The following DIS3L variants were observed in gnomAD, a reference collection of about 807,000 sequenced individuals.
DIS3L encodes DIS3 like exosome 3'-5' exoribonuclease.
DIS3L carries 100 observed loss-of-function variants against 120.3 expected under a neutral mutation model. That is an observed-to-expected ratio of 0.83 (90% confidence interval 0.71 to 0.98). DIS3L has a LOEUF of 0.98. Ranked by LOEUF, DIS3L falls within the 50% of genes least tolerant of loss-of-function variation. The pLI is 0.00. For missense variants in DIS3L, 1,196 were observed against 1,314.2 expected (o/e 0.91, Z 1.39); for synonymous variants, 426 against 470.6 (o/e 0.91, Z 1.23).
intron 8 of DIS3L, among the ~76,000 whole-genome samples, chr15:66,318,998 G>A (rs1169236216): frequency 6.6e-6 from 1 of 152,108 alleles, no homozygotes; most frequent in African/African-American, 2.4e-5. Flanking sequence ...TCACTGTGTT[G>A]GCCAGGCTGG....
At chr15:66,323,043 TCCCTTC>T in intron 10 of DIS3L, 109 bp downstream of exon 10, 1 of 1,401,106 alleles carries the variant, frequency 7.1e-7, no homozygotes, top group Non-Finnish European at 9.6e-7. Flanking sequence ...ATTTTGAAGG[TCCCTTC>T]CAGAAAAAAA....
rs771805487 is a variant in DIS3L, at chr15:66,306,950, C to T, written c.420C>T (p.Thr140=). The change falls in exon 3 of 17, where the codon ACC becomes ACT. Residue 140 remains threonine, a splice_region_variant and synonymous_variant. Coordinates refer to ENST00000319212, the MANE Select transcript of DIS3L (RefSeq NM_001143688.3). The part of the protein sequence containing the change: ...ERGESMEKWQ[T]RSIYNAAVWY... Reference sequence around the variant, plus strand: ...GAGAGTCCATGGAGAAGTGGCAGACCAGGTATGGCCCTGACTTGCTGCTGT... The same window carrying T: ...GAGAGTCCATGGAGAAGTGGCAGACTAGGTATGGCCCTGACTTGCTGCTGT... 6.2e-7 allele frequency: 1 copy of T among 1,614,006 alleles called. No individual in the cohort carries two copies. The highest frequency in any genetic ancestry group is 1.1e-5 in the South Asian group (1 of 91,070).
In DIS3L at chr15:66,332,665, C is replaced by G. The variant is rs1253690122; in HGVS notation, c.2682-71C>G. 4 of 1,386,892 alleles carry G rather than the reference C, an allele frequency of 2.9e-6. No homozygotes were observed. The African/African-American group carries it at 5.8e-5, about 20-fold the overall frequency. 85.9% of individuals were successfully genotyped at this position (1,386,892 alleles called of 1,614,324 possible). On this transcript the variant is annotated intron_variant, in intron 15 of 16. Transcript: ENST00000319212. ...TTAATCTAGGAGAAAAACTAGTATT[C>G]TAGATAAGCATACAAGATCTGTGTA... is the stretch of plus-strand genomic sequence containing the variant.
At chr15:66,301,065 C>G (rs2092642391) in intron 2 of DIS3L, among the ~76,000 whole-genome samples, 1 of 152,046 alleles carries the variant, frequency 6.6e-6, no homozygotes, top group African/African-American at 2.4e-5. Flanking sequence ...CACTTCTAAT[C>G]CTTAGAGAGA....
In DIS3L at chr15:66,320,552, A is replaced by AT. The variant is rs560567373; in HGVS notation, c.1165-13dup. On this transcript the variant is annotated intron_variant, in intron 8 of 16. Transcript: ENST00000319212. ...AACTCCTGGTGCTCAGCTGTGTTTT[A>AT]TTTTTTCCTTTTGTGCAGGACTTCA... 2.9e-5 allele frequency: 47 copies of AT among 1,602,994 alleles called. No individual in the cohort carries two copies. The East Asian group carries it at 9.0e-4, about 31-fold the overall frequency.
At chr15:66,297,223 G>C (rs1286163003) in intron 2 of DIS3L, among the ~76,000 whole-genome samples, 2 of 152,214 alleles carry the variant, frequency 1.3e-5, no homozygotes, top group African/African-American at 4.8e-5. Context: ...TAAGATCTGA[G>C]AGATGTGCTT....
intron 7 of DIS3L, among the ~76,000 whole-genome samples, chr15:66,316,044 G>A (rs1419457741): frequency 6.6e-6 from 1 of 152,066 alleles, no homozygotes; most frequent in African/African-American, 2.4e-5. Context: ...TGTTCTCTGC[G>A]CTCTCTCCCT....
At chr15:66,320,408 G>A (rs1472135107) in intron 8 of DIS3L, among the ~76,000 whole-genome samples, 163 bp from the exon 9 acceptor site, 1 of 147,802 alleles carries the variant, frequency 6.8e-6, no homozygotes, top group African/African-American at 2.4e-5. Context: ...TTTAGTAATA[G>A]GAAGAATGAA....
At chr15:66,317,383 A>T (rs1449144590) in intron 7 of DIS3L, among the ~76,000 whole-genome samples, 1 of 151,772 alleles carries the variant, frequency 6.6e-6, no homozygotes, top group African/African-American at 2.4e-5. Context: ...AACATTTTTA[A>T]TTATTAAAGT....
Position 66,332,997 on chromosome 15 carries a change from A to G in DIS3L, c.2857-7A>G, listed in dbSNP as rs774262360. 1.2e-5 allele frequency: 20 copies of G among 1,602,610 alleles called. No individual in the cohort carries two copies. Among genetic ancestry groups the G allele is most frequent in the South Asian group, 6.7e-5 (6 of 89,284 alleles). On this transcript the variant is annotated splice_polypyrimidine_tract_variant and splice_region_variant and intron_variant, in intron 16 of 16. Coordinates refer to ENST00000319212, the MANE Select transcript of DIS3L (RefSeq NM_001143688.3). ...TTTAGTAATATGTATTTTCTTCTCT[A>G]TGCTAGGTAAGAATATCCATACAGG...
chr15:66,313,295 CT>C (rs2092781189), intron 5 of DIS3L, among the ~76,000 whole-genome samples: 1 of 152,100 alleles, frequency 6.6e-6, no homozygotes, highest in Non-Finnish European at 1.5e-5. Flanking sequence ...TGCCTAGCCC[CT>C]GGGAGGATAT....
intron 4 of DIS3L, among the ~76,000 whole-genome samples, chr15:66,310,831 C>T (rs575100956): frequency 6.6e-6 from 1 of 152,186 alleles, no homozygotes; most frequent in South Asian, 2.1e-4. Flanking sequence ...AGTTAAAATA[C>T]ATAAAAAAGA....
At chr15:66,306,617 C>G (rs1268646599) in intron 2 of DIS3L, 1 of 515,358 alleles carries the variant, frequency 1.9e-6, no homozygotes, top group East Asian at 3.7e-5. Flanking sequence ...TAGGCCCTGC[C>G]CAAGCACCTT....
At chr15:66,318,687 C>A in intron 8 of DIS3L, 69 bp downstream of exon 8, 1 of 1,495,700 alleles carries the variant, frequency 6.7e-7, no homozygotes. Context: ...AGCTTTTTAG[C>A]AGTACCAGAA....
At chr15:66,313,753 ATATGTG>A (rs2092786654) in intron 5 of DIS3L, among the ~76,000 whole-genome samples, 2 of 149,912 alleles carry the variant, frequency 1.3e-5, no homozygotes, top group Admixed American at 6.7e-5. Context: ...AAAAAAGTGT[ATATGTG>A]TGTGTGTGTG....
intron 15 of DIS3L, 31 bp from the exon 16 acceptor site, chr15:66,332,705 T>G (rs750029509): frequency 6.4e-7 from 1 of 1,564,976 alleles, no homozygotes; most frequent in African/African-American, 1.4e-5. Flanking sequence ...GAATACATTG[T>G]CTCTGGATTT....
At chr15:66,320,965 A>C (rs1023310858) in intron 9 of DIS3L, among the ~76,000 whole-genome samples, 4 of 152,168 alleles carry the variant, frequency 2.6e-5, no homozygotes, top group Non-Finnish European at 1.5e-5. Context: ...ATATTTTCCA[A>C]CTGGGCTTAA....
chr15:66,306,746 C>G, intron 2 of DIS3L, 78 bp from the exon 3 acceptor site: 6 of 1,587,734 alleles, frequency 3.8e-6, no homozygotes, highest in African/African-American at 1.3e-5. Flanking sequence ...ATACCCCATC[C>G]TTTTTTGATC....
chr15:66,326,964 C>G (rs2092945599), intron 12 of DIS3L, among the ~76,000 whole-genome samples: 1 of 151,072 alleles, frequency 6.6e-6, no homozygotes, highest in South Asian at 2.1e-4. Context: ...GAGTCTCGCT[C>G]TGTCATCCAG....
Sources: allele counts gnomAD v4.1 joint callset (sites outside exome capture counted in the v4.1 genomes callset), GRCh38; gene constraint gnomAD v4.1.1; transcripts MANE v1.5; gene names NCBI Gene and HGNC (gene_info 2026-07-23, HGNC 2026-07-21).